Variants in C4orf50 observed in about 807,000 individuals in gnomAD.
C4orf50 encodes the protein uncharacterized protein C4orf50.
C4orf50 carries 80 observed loss-of-function variants against 77.2 expected under a neutral mutation model. That is an observed-to-expected ratio of 1.04 (90% CI 0.87 to 1.25). The LOEUF (loss-of-function observed/expected upper bound fraction) is 1.25. C4orf50 is among the 50% of genes most tolerant of loss of function. The pLI is 0.00. For missense variants in C4orf50, 1,257 were observed against 1,152.9 expected (o/e 1.09, Z -1.31); for synonymous variants, 532 against 465.3 (o/e 1.14, Z -1.84).
chr4:5,966,954 C>T (rs1471311401), intron 32 of C4orf50, among the ~76,000 whole-genome samples: 2 of 152,186 alleles, frequency 1.3e-5, no homozygotes, highest in East Asian at 1.9e-4. Context: ...GGCCCATATC[C>T]TAACAGTTTC....
intron 28 of C4orf50, among the ~76,000 whole-genome samples, chr4:5,987,481 CAA>C (rs1015286988): frequency 8.0e-6 from 1 of 124,520 alleles, no homozygotes; most frequent in African/African-American, 3.0e-5. Flanking sequence ...CAAATACAAA[CAA>C]TAAATAAAAT....
chr4:6,010,548 C>T (rs1722450891), intron 24 of C4orf50, among the ~76,000 whole-genome samples: 1 of 152,242 alleles, frequency 6.6e-6, no homozygotes, highest in African/African-American at 2.4e-5. Flanking sequence ...CTCCCTCTAG[C>T]ACGTGCGATG....
At chr4:5,978,931 C>T (rs1720425804) in intron 29 of C4orf50, among the ~76,000 whole-genome samples, 2 of 152,182 alleles carry the variant, frequency 1.3e-5, no homozygotes, top group African/African-American at 2.4e-5. Flanking sequence ...ACATAAAACT[C>T]TACATATAAC....
intron 28 of C4orf50, among the ~76,000 whole-genome samples, chr4:5,986,800 G>C (rs959784208): frequency 3.3e-5 from 5 of 152,072 alleles, no homozygotes; most frequent in Non-Finnish European, 7.3e-5. Flanking sequence ...GCCTCTCAAA[G>C]TGCTGGGATT....
At chr4:5,996,976 G>A (rs1050604829) in intron 25 of C4orf50, among the ~76,000 whole-genome samples, 1 of 152,142 alleles carries the variant, frequency 6.6e-6, no homozygotes, top group African/African-American at 2.4e-5. Flanking sequence ...AGTGTGAGAG[G>A]GAAAAGAGAA....
chr4:6,003,906 G>GATT (rs1316776852), intron 25 of C4orf50, among the ~76,000 whole-genome samples: 133 of 124,320 alleles, frequency 1.1e-3, no homozygotes, highest in Admixed American at 1.8e-3. Context: ...ATGTGATGGT[G>GATT]ATGTTGATGA....
At chr4:5,909,998 G>T (rs1294488708) in intron 7 of C4orf50, among the ~76,000 whole-genome samples, 1 of 152,254 alleles carries the variant, frequency 6.6e-6, no homozygotes, top group East Asian at 1.9e-4. Context: ...GTCTTTTGTG[G>T]TTCCATGTGA....
At chr4:5,941,734 C>G (rs532774431) in intron 7 of C4orf50, among the ~76,000 whole-genome samples, 1 of 152,224 alleles carries the variant, frequency 6.6e-6, no homozygotes, top group South Asian at 2.1e-4. Flanking sequence ...AGCCTTGTCC[C>G]CATTGTACGG....
rs1716349036 is a variant in C4orf50, at chr4:5,901,659, T to A, written c.*2475-3471A>T. The A allele has an allele frequency of 6.6e-6, 1 of 152,250 alleles. No individual in the cohort carries two copies. The allele number at this position is 152,250 out of a possible 1,614,324, so 9.4% of individuals were successfully genotyped here. On this transcript the variant is annotated intron_variant, in intron 7 of 7. Coordinates refer to the C4orf50 transcript ENST00000324058. The surrounding 1 kb of genome is among the most constrained non-coding windows in gnomAD (Gnocchi z 4.4). Reference sequence around the variant, plus strand: ...GGCAAGGCTCTCCGGGGCCCACACCTGGCCCACAGGGTGTCCTGTGTGCAG... The same window carrying A: ...GGCAAGGCTCTCCGGGGCCCACACCAGGCCCACAGGGTGTCCTGTGTGCAG...
In C4orf50 at chr4:5,990,519, G is replaced by A. The variant is rs937945213; in HGVS notation, c.1527C>T (p.His509=). 6 of 399,176 alleles carry A rather than the reference G, an allele frequency of 1.5e-5. No individual in the cohort carries two copies. The East Asian group carries it at 1.8e-4, about 12-fold the overall frequency. 24.7% of individuals were successfully genotyped at this position (399,176 alleles called of 1,614,324 possible). A position where few individuals can be genotyped will look rare whatever the true frequency, so the allele number is the denominator to read the frequency against. Residue 509 remains histidine (H), a synonymous_variant, in exon 28 of 34, where the codon CAC becomes CAT. Transcript: ENST00000531445. ...TTGTCTGGTGACAATCCCAGCCTGG[G>A]TGTCCTGTGGCTTTGGGAGGAGGCG...
At chr4:6,002,764 T>A (rs377116335) in intron 25 of C4orf50, among the ~76,000 whole-genome samples, 2 of 152,090 alleles carry the variant, frequency 1.3e-5, no homozygotes, top group East Asian at 3.9e-4. Flanking sequence ...CCGCTGCCTC[T>A]GGGAAACTCC....
rs905157723 is a variant in C4orf50 at position 6,015,042 on chromosome 4, T to C, written c.288-3074A>G. The stretch of plus-strand genomic sequence containing the variant: ...GATCTTCTGGTTTCCACCACCAACC[T>C]TTCTAGAAGATTTGAATGTACAACC... On this transcript the variant is annotated intron_variant, in intron 23 of 33. Transcript: ENST00000531445. This position sits in a 1 kb window ranked among gnomAD's most constrained non-coding sequence, Gnocchi z 4.4. Among the ~76,000 whole-genome samples the C allele has an allele frequency of 2.0e-5, 3 of 152,268 alleles. No individual in the cohort carries two copies. Among genetic ancestry groups the C allele is most frequent in the African/African-American group, 7.2e-5 (3 of 41,556 alleles).
At chr4:5,968,035 C>T (rs1202852838) in intron 31 of C4orf50, among the ~76,000 whole-genome samples, 1 of 152,236 alleles carries the variant, frequency 6.6e-6, no homozygotes, top group Non-Finnish European at 1.5e-5. Context: ...AGACTGGCAG[C>T]CTGGATCTCA....
intron 33 of C4orf50, among the ~76,000 whole-genome samples, chr4:5,963,524 T>C (rs1719388420): frequency 6.6e-6 from 1 of 152,182 alleles, no homozygotes; most frequent in Non-Finnish European, 1.5e-5. Context: ...TTCATATGCA[T>C]GATTTCATTG....
At chr4:5,909,643 G>C (rs2152480973) in intron 7 of C4orf50, among the ~76,000 whole-genome samples, 1 of 152,308 alleles carries the variant, frequency 6.6e-6, no homozygotes, top group South Asian at 2.1e-4. Context: ...CATCGTTTTT[G>C]TCTTACATTT....
At chr4:5,989,273 T>G (rs757440955) in exon 28 of C4orf50, 1 of 1,536,066 alleles carries the variant, frequency 6.5e-7, no homozygotes, top group South Asian at 1.2e-5. Flanking sequence ...TGATGAAACC[T>G]GCTCCTCACT....
At chr4:5,936,491 G>A (rs552524565) in intron 7 of C4orf50, among the ~76,000 whole-genome samples, 5 of 149,502 alleles carry the variant, frequency 3.3e-5, no homozygotes, top group South Asian at 4.3e-4. Context: ...GAACCCAGGA[G>A]GTGAAGGCTG....
At chr4:5,978,467 G>A (rs958757547) in intron 29 of C4orf50, among the ~76,000 whole-genome samples, 1 of 152,098 alleles carries the variant, frequency 6.6e-6, no homozygotes, top group Non-Finnish European at 1.5e-5. Flanking sequence ...TTGAAACTGA[G>A]CAGAAAGAAA....
chr4:5,918,557 G>A lies in C4orf50; in HGVS notation c.*2475-20369C>T, dbSNP rs147823326. Reference sequence around the variant, plus strand: ...CACAGTGGCTGCAGCCCAGAGAGGAGTGGAGCTCAGGGCTGTGCCTGGTCT... The same window carrying A: ...CACAGTGGCTGCAGCCCAGAGAGGAATGGAGCTCAGGGCTGTGCCTGGTCT... On this transcript the variant is annotated intron_variant, in intron 7 of 7. Coordinates refer to the C4orf50 transcript ENST00000324058. Among the ~76,000 whole-genome samples the A allele has an allele frequency of 4.8e-3, 726 of 152,306 alleles. 4 individuals are homozygous for A. The highest frequency in any genetic ancestry group is 0.014 in the Middle Eastern group (4 of 294).
Sources: gnomAD v4.1 joint callset for allele counts (sites outside exome capture counted in the v4.1 genomes callset) on GRCh38, gnomAD v4.1.1 for gene constraint, Gnocchi (gnomAD v3.1) non-coding constraint, MANE v1.5 for transcripts, NCBI Gene and HGNC (gene_info 2026-07-23, HGNC 2026-07-21) for gene names.